The following DAGLB variants were observed in gnomAD, a reference collection of about 807,000 sequenced individuals.
The protein encoded by DAGLB is diacylglycerol lipase beta.
A neutral mutation model predicts 72.1 loss-of-function variants in DAGLB; 66 were observed. The observed-to-expected ratio is 0.92, with a 90% CI of 0.75 to 1.12. The LOEUF (loss-of-function observed/expected upper bound fraction) is 1.12, where lower values mean the gene tolerates loss of function less well. Among genes scored for constraint, DAGLB ranks in the 50% most tolerant of loss-of-function variants. The pLI, the probability that DAGLB is intolerant of heterozygous loss-of-function variation, is 0.00. For missense variants in DAGLB, 1,065 were observed against 884.9 expected (o/e 1.20, Z -2.58); for synonymous variants, 414 against 359.5 (o/e 1.15, Z -1.71).
At chr7:6,438,692 C>T (rs997145511) in intron 2 of DAGLB, among the ~76,000 whole-genome samples, 3 of 152,136 alleles carry the variant, frequency 2.0e-5, no homozygotes, top group African/African-American at 7.2e-5. Context: ...TAATGAAATA[C>T]ACAGACAAGG....
In DAGLB at chr7:6,446,041, G is replaced by A. The variant is rs1376164029; in HGVS notation, c.159C>T (p.Ala53=). 2 of 1,613,598 alleles carry A rather than the reference G, an allele frequency of 1.2e-6. No homozygotes were observed. The highest frequency in any genetic ancestry group is 1.3e-5 in the African/African-American group (1 of 74,796). Residue 53 remains alanine (A), a synonymous_variant, in exon 2 of 15, where the codon GCC becomes GCT. Coordinates refer to ENST00000297056, the MANE Select transcript of DAGLB (RefSeq NM_139179.4). ...HRGKLDCAGG[A]LLSSYLIVLM... The stretch of plus-strand genomic sequence containing the variant: ...GGACGATCAAGTAACTGCTGAGCAA[G>A]GCTCCACCAGCACAGTCCAGCTTTC...
chr7:6,440,643 TC>T (rs1784798741), intron 2 of DAGLB, among the ~76,000 whole-genome samples: 1 of 151,944 alleles, frequency 6.6e-6, no homozygotes, highest in East Asian at 1.9e-4. Context: ...ATGCCTGTAA[TC>T]CCAACACTTT....
chr7:6,430,840 A>G (rs997701852), intron 5 of DAGLB, among the ~76,000 whole-genome samples: 4 of 151,526 alleles, frequency 2.6e-5, no homozygotes, highest in South Asian at 4.2e-4. Flanking sequence ...CAGTGGCACA[A>G]TGTCAGCTCA....
Position 6,421,793 on chromosome 7 carries a change from C to T in DAGLB, c.1152G>A (p.Thr384=), listed in dbSNP as rs836515. 0.017 allele frequency: 26,622 copies of T among 1,608,426 alleles called. 1,493 individuals carry two copies. The highest frequency in any genetic ancestry group is 0.15 in the African/African-American group (11,358 of 73,620). The change falls in exon 9 of 15, where the codon ACG becomes ACA. Residue 384 remains threonine (T), a synonymous_variant. Coordinates refer to ENST00000297056, the MANE Select transcript of DAGLB (RefSeq NM_139179.4). The part of the protein sequence containing the change: ...RGTMSLQDVL[T]DLSAESEVLD... ...GCACCTCACTCTCCGCTGACAGGTC[C>T]GTAAGGACATCCTGTAAAAAGGGCG...
At chr7:6,428,882 G>A (rs540197400) in intron 6 of DAGLB, among the ~76,000 whole-genome samples, 1 of 152,270 alleles carries the variant, frequency 6.6e-6, no homozygotes, top group South Asian at 2.1e-4. Flanking sequence ...CCAGCTCACT[G>A]CAACCTCAGC....
chr7:6,437,153 C>CAAA lies in DAGLB; in HGVS notation c.248-623_248-621dup, dbSNP rs1388685419. On this transcript the variant is annotated intron_variant, in intron 2 of 14. Transcript: ENST00000297056. ...TGGGTGACAGAGCAAGACTCCGTCT[C>CAAA]AAAATAATAATAATAATAATAATAA... 0.013 allele frequency among the ~76,000 whole-genome samples: 1,355 copies of CAAA among 104,536 alleles called. 38 individuals carry two copies. In the East Asian group the frequency reaches 0.17, roughly 13 times the overall value. 68.6% of individuals were successfully genotyped at this position (104,536 alleles called of 152,430 possible).
intron 11 of DAGLB, among the ~76,000 whole-genome samples, chr7:6,415,760 G>A (rs975325084): frequency 2.6e-5 from 4 of 151,306 alleles, no homozygotes; most frequent in South Asian, 2.1e-4. Context: ...CAGGAGAATC[G>A]CTTGAAGCTG....
chr7:6,435,801 C>T (rs1186736012), intron 3 of DAGLB, among the ~76,000 whole-genome samples: 2 of 152,206 alleles, frequency 1.3e-5, no homozygotes, highest in African/African-American at 4.8e-5. Context: ...CCCGAAGGGG[C>T]TCTGCTGCCC....
intron 4 of DAGLB, 106 bp downstream of exon 4, chr7:6,434,656 G>A (rs1378856534): frequency 4.5e-6 from 7 of 1,548,648 alleles, no homozygotes; most frequent in Non-Finnish European, 6.1e-6. Context: ...CACACCCAAA[G>A]ACACCAGGTT....
At chr7:6,426,192 C>T (rs1458095244) in intron 6 of DAGLB, 78 bp from the exon 7 acceptor site, 9 of 1,589,420 alleles carry the variant, frequency 5.7e-6, no homozygotes, top group Non-Finnish European at 6.9e-6. Context: ...GCCACATGTT[C>T]CCAGAGACGC....
chr7:6,435,703 A>C (rs368441507), intron 3 of DAGLB, among the ~76,000 whole-genome samples: 111 of 152,112 alleles, frequency 7.3e-4, no homozygotes, highest in Non-Finnish European at 1.4e-3. Flanking sequence ...ATCACAGAGT[A>C]CTCTGATAGG....
In DAGLB at chr7:6,436,502, A is replaced by C. The variant is rs755973819; in HGVS notation, c.279T>G (p.Ser93=). Residue 93 remains serine (S), a synonymous_variant, in exon 3 of 15, where the codon TCT becomes TCG. Transcript: ENST00000297056. ...GGCGGATGTAAAGCAGCTTAGACAT[A>C]GACTTCCGCGGTCCAGGGTTACAAA... is the stretch of plus-strand genomic sequence containing the variant. ...GTICNPGPRK[S]MSKLLYIRLA... is the part of the protein sequence containing the mutation. The C allele has an allele frequency of 7.4e-6, 12 of 1,614,064 alleles. No individual in the cohort carries two copies. The Admixed American group carries it at 2.0e-4, about 27-fold the overall frequency.
rs57374634 is a variant in DAGLB at position 6,430,250 on chromosome 7, CATATATATAT to C, written c.929+220_929+229del. Among the ~76,000 whole-genome samples, 26 of 45,748 alleles carry C rather than the reference CATATATATAT, an allele frequency of 5.7e-4. 2 individuals carry two copies. Among genetic ancestry groups the C allele is most frequent in the East Asian group, 4.8e-3 (4 of 840 alleles). The allele number at this position is 45,748 out of a possible 152,430, so 30.0% of individuals were successfully genotyped here. The stretch of plus-strand genomic sequence containing the variant: ...GGTTCGGGGAAAAAAAATACATGTG[CATATATATAT>C]ATATATATATATATATATATATGCA... On this transcript the variant is annotated intron_variant, in intron 6 of 14. Transcript: ENST00000297056.
chr7:6,446,768 G>A (rs1418693101), intron 1 of DAGLB, among the ~76,000 whole-genome samples: 1 of 151,966 alleles, frequency 6.6e-6, no homozygotes, highest in Non-Finnish European at 1.5e-5. Context: ...TAGCACTTTG[G>A]GAGGCCAAGG....
rs774502686 is a variant in DAGLB at position 6,410,147 on chromosome 7, C to G, written c.1803G>C (p.Glu601Asp). 2 of 1,575,794 alleles carry G rather than the reference C, an allele frequency of 1.3e-6. No individual in the cohort carries two copies. Among genetic ancestry groups the G allele is most frequent in the Non-Finnish European group, 1.7e-6 (2 of 1,157,820 alleles). Reference sequence around the variant, plus strand: ...GCACTCACCGCCCCGAGGCGCCCTCCTCCTGCAGGTGGATGATCCTGCCGG... The same window carrying G: ...GCACTCACCGCCCCGAGGCGCCCTCGTCCTGCAGGTGGATGATCCTGCCGG... ...YPPGRIIHLQ[E>D]EGASGRFGCC... The change falls in exon 14 of 15, where the codon GAG (glutamate) becomes GAC (aspartate). Residue 601 changes from glutamate (E) to aspartate (D), a missense_variant. By Grantham distance (45) the Glu-to-Asp change is conservative. Transcript: ENST00000297056.
intron 8 of DAGLB, among the ~76,000 whole-genome samples, chr7:6,423,279 G>C (rs567710772): frequency 5.9e-5 from 9 of 152,138 alleles, no homozygotes; most frequent in Non-Finnish European, 8.8e-5. Context: ...AACAGACTGG[G>C]GAGATGAGAC....
At chr7:6,443,536 G>A (rs1784903541) in intron 2 of DAGLB, among the ~76,000 whole-genome samples, 1 of 152,162 alleles carries the variant, frequency 6.6e-6, no homozygotes, top group Non-Finnish European at 1.5e-5. Context: ...ACTCTTGCTG[G>A]TCATCCCAAA....
At chr7:6,438,301 G>T (rs1038344701) in intron 2 of DAGLB, among the ~76,000 whole-genome samples, 5 of 152,042 alleles carry the variant, frequency 3.3e-5, no homozygotes, top group African/African-American at 1.2e-4. Flanking sequence ...GTACACATAT[G>T]TAACAAACCT....
chr7:6,410,880 ATTTTTTTTTTT>A (rs35960882), intron 13 of DAGLB, among the ~76,000 whole-genome samples: 1 of 98,234 alleles, frequency 1.0e-5, no homozygotes, highest in Non-Finnish European at 1.9e-5. Context: ...AATTTTTTGT[ATTTTTTTTTTT>A]TTTTTTTTTT....
Sources: gnomAD v4.1 joint callset for allele counts (sites outside exome capture counted in the v4.1 genomes callset) on GRCh38, gnomAD v4.1.1 for gene constraint, MANE v1.5 for transcripts, NCBI Gene and HGNC (gene_info 2026-07-23, HGNC 2026-07-21) for gene names.